Variants in DGKB observed in about 807,000 individuals in gnomAD.
DGKB encodes the protein diacylglycerol kinase beta.
A neutral mutation model predicts 114.3 loss-of-function variants in DGKB; 67 were observed. The observed-to-expected ratio is 0.59, with a 90% confidence interval of 0.48 to 0.72. The LOEUF (loss-of-function observed/expected upper bound fraction) is 0.72. DGKB is among the 30% of genes least tolerant of loss of function. The pLI, the probability that DGKB is intolerant of heterozygous loss-of-function variation, is 0.00. For missense variants in DGKB, 907 were observed against 975.2 expected (o/e 0.93, Z 0.93); for synonymous variants, 398 against 323.1 (o/e 1.23, Z -2.49).
chr7:14,180,336 AC>A (rs1249433450), intron 23 of DGKB, among the ~76,000 whole-genome samples: 2 of 152,168 alleles, frequency 1.3e-5, no homozygotes, highest in Non-Finnish European at 2.9e-5. Context: ...GGATCTGTCT[AC>A]ACCCACACCA....
chr7:14,611,464 A>T (rs1805526989), intron 16 of DGKB, among the ~76,000 whole-genome samples: 1 of 152,116 alleles, frequency 6.6e-6, no homozygotes, highest in Non-Finnish European at 1.5e-5. Context: ...AAAGCCAAAA[A>T]ATTTGGAAAG....
At chr7:14,417,506 T>C (rs1825890728) in intron 21 of DGKB, among the ~76,000 whole-genome samples, 1 of 152,044 alleles carries the variant, frequency 6.6e-6, no homozygotes, top group Non-Finnish European at 1.5e-5. Flanking sequence ...TAATTTTCTT[T>C]TTTATCTCAA....
At chr7:14,847,655 C>T (rs1159053445) in intron 1 of DGKB, among the ~76,000 whole-genome samples, 2 of 152,100 alleles carry the variant, frequency 1.3e-5, no homozygotes, top group African/African-American at 4.8e-5. Flanking sequence ...ACTAAACCAA[C>T]TACACCCATA....
At chr7:14,880,237 G>A (rs1395559814) in intron 1 of DGKB, among the ~76,000 whole-genome samples, 1 of 76 alleles carries the variant, frequency 0.013, no homozygotes, top group African/African-American at 0.05. Context: ...AAGGCAGGCG[G>A]ATCACAAGCC....
intron 23 of DGKB, among the ~76,000 whole-genome samples, chr7:14,328,456 C>T (rs559196649): frequency 9.9e-5 from 15 of 151,808 alleles, no homozygotes; most frequent in Middle Eastern, 3.4e-3. Flanking sequence ...GTAGAAAGTA[C>T]GTAATAGACC....
At chr7:14,618,170 T>G (rs573248296) in intron 15 of DGKB, among the ~76,000 whole-genome samples, 1 of 151,280 alleles carries the variant, frequency 6.6e-6, no homozygotes, top group South Asian at 2.1e-4. Flanking sequence ...GAAAGTGAAT[T>G]GATTATATAG....
chr7:14,168,691 T>A (rs1347376558), intron 25 of DGKB, among the ~76,000 whole-genome samples: 1 of 152,172 alleles, frequency 6.6e-6, no homozygotes. Context: ...AATTTAAAAA[T>A]GCTTACAATT....
intron 21 of DGKB, among the ~76,000 whole-genome samples, chr7:14,362,340 T>C (rs1445989571): frequency 2.6e-5 from 4 of 152,018 alleles, no homozygotes; most frequent in Admixed American, 2.6e-4. Context: ...AATTTAATCA[T>C]TTGAGACAGA....
In DGKB at chr7:14,817,817, C is replaced by G. The variant is rs528831103; in HGVS notation, c.70+23377G>C. 2.6e-5 allele frequency among the ~76,000 whole-genome samples: 4 copies of G among 151,954 alleles called. No individual in the cohort carries two copies. The East Asian group carries it at 5.8e-4, about 22-fold the overall frequency. On this transcript the variant is annotated intron_variant, in intron 2 of 25. Coordinates refer to ENST00000402815, the MANE Select transcript of DGKB (RefSeq NM_001350709.2). ...AGATATTGACAATAATGATATAGCGCAAAGTGAAGTCTATTTTTAAATGCT... is the reference window on the plus strand; with the variant it reads ...AGATATTGACAATAATGATATAGCGGAAAGTGAAGTCTATTTTTAAATGCT...
chr7:14,204,215 A>G (rs755400879), intron 23 of DGKB, among the ~76,000 whole-genome samples: 3 of 152,028 alleles, frequency 2.0e-5, no homozygotes, highest in Non-Finnish European at 2.9e-5. Context: ...ACTGTACTTT[A>G]AAATGAGGAC....
At position 14,726,514 on chromosome 7, in the gene DGKB, C is replaced by G. The variant is rs73682511; in HGVS notation, c.323-7829G>C. ...AATCAGAGGAAACTGTCTTCTGCCTCTCAATAAAAGACCTTTGTTTTAAGA... is the reference window on the plus strand; with the variant it reads ...AATCAGAGGAAACTGTCTTCTGCCTGTCAATAAAAGACCTTTGTTTTAAGA... On this transcript the variant is annotated intron_variant, in intron 5 of 25. Transcript: ENST00000402815. 3.6e-3 allele frequency among the ~76,000 whole-genome samples: 548 copies of G among 152,202 alleles called. 3 individuals are homozygous for G. The highest frequency in any genetic ancestry group is 0.012 in the African/African-American group (507 of 41,524).
chr7:14,681,228 T>C (rs975977604), intron 12 of DGKB, among the ~76,000 whole-genome samples: 1 of 152,090 alleles, frequency 6.6e-6, no homozygotes, highest in Admixed American at 6.6e-5. Context: ...ATTTGAATCA[T>C]CGTTAGACAT....
intron 20 of DGKB, among the ~76,000 whole-genome samples, chr7:14,493,126 T>C (rs2128936963): frequency 6.6e-6 from 1 of 152,224 alleles, no homozygotes; most frequent in Non-Finnish European, 1.5e-5. Context: ...TTATGTTTAT[T>C]TGAATAAACT....
At chr7:14,632,632 C>T (rs1204482434) in intron 13 of DGKB, among the ~76,000 whole-genome samples, 1 of 151,730 alleles carries the variant, frequency 6.6e-6, no homozygotes, top group East Asian at 1.9e-4. Context: ...TACATTATCT[C>T]AGTGAAAACT....
chr7:14,517,459 T>C (rs1346524824), intron 20 of DGKB, among the ~76,000 whole-genome samples: 1 of 151,212 alleles, frequency 6.6e-6, no homozygotes, highest in Non-Finnish European at 1.5e-5. Context: ...ACCCAAAAAT[T>C]AACAAATGGG....
intron 23 of DGKB, among the ~76,000 whole-genome samples, chr7:14,220,194 C>A (rs1434282463): frequency 1.3e-5 from 2 of 151,614 alleles, no homozygotes; most frequent in Middle Eastern, 3.4e-3. Context: ...GTAAGCATGT[C>A]AAAACATAGA....
intron 19 of DGKB, among the ~76,000 whole-genome samples, chr7:14,577,621 A>G (rs1040669538): frequency 1.3e-5 from 2 of 152,134 alleles, no homozygotes; most frequent in African/African-American, 4.8e-5. Context: ...CGTCTCAAAA[A>G]AAAAAAGTGT....
At chr7:14,218,249 A>G (rs927880891) in intron 23 of DGKB, among the ~76,000 whole-genome samples, 2 of 152,082 alleles carry the variant, frequency 1.3e-5, no homozygotes, top group Admixed American at 6.6e-5. Context: ...GGAATTTGAA[A>G]TATTTTCCAA....
chr7:14,697,875 G>C (rs1042537964), intron 8 of DGKB, among the ~76,000 whole-genome samples: 1 of 142,342 alleles, frequency 7.0e-6, no homozygotes, highest in South Asian at 2.2e-4. Context: ...GAAGGTAGGA[G>C]GGAGGGAGGG....
Sources: allele counts gnomAD v4.1 joint callset (sites outside exome capture counted in the v4.1 genomes callset), GRCh38; gene constraint gnomAD v4.1.1; transcripts MANE v1.5; gene names NCBI Gene and HGNC (gene_info 2026-07-23, HGNC 2026-07-21).